The following SEMA5A variants were observed in gnomAD, a reference collection of about 807,000 sequenced individuals.
The protein encoded by SEMA5A is semaphorin-5A.
A neutral mutation model predicts 135.5 loss-of-function variants in SEMA5A; 55 were observed. The observed-to-expected ratio is 0.41, with a 90% CI of 0.33 to 0.51. The LOEUF is 0.51. Ranked by LOEUF, SEMA5A falls within the 20% of genes least tolerant of loss-of-function variation. The pLI is 0.37. For missense variants in SEMA5A, 1,290 were observed against 1,419.9 expected, an observed-to-expected ratio of 0.91 and a Z score of 1.47; for synonymous variants, 580 against 546.5, an observed-to-expected ratio of 1.06 and a Z score of -0.85.
At chr5:9,275,018 C>T (rs202017793) in intron 5 of SEMA5A, among the ~76,000 whole-genome samples, 151,932 of 152,134 alleles carry the variant, frequency 1, 75,865 homozygotes, top group Non-Finnish European at 1. Context: ...ATGAAAACCC[C>T]TCAAAAAAAT....
At chr5:9,046,080 CTTCCTCTGTGTT>C (rs1246197556) in intron 21 of SEMA5A, 5 of 152,432 alleles carry the variant, frequency 3.3e-5, no homozygotes, top group South Asian at 2.1e-4. Flanking sequence ...GTGTTGTTAT[CTTCCTCTGTGTT>C]GTTAGAACCA....
At chr5:9,092,789 T>A (rs1739106098) in intron 16 of SEMA5A, among the ~76,000 whole-genome samples, 1 of 152,102 alleles carries the variant, frequency 6.6e-6, no homozygotes, top group African/African-American at 2.4e-5. Flanking sequence ...ACAAGAATAA[T>A]CACTTCATTT....
At chr5:9,179,112 C>G (rs558835445) in intron 11 of SEMA5A, among the ~76,000 whole-genome samples, 2 of 152,144 alleles carry the variant, frequency 1.3e-5, no homozygotes, top group South Asian at 4.1e-4. Flanking sequence ...AGAAACAATA[C>G]TACCCTAACT....
intron 1 of SEMA5A, among the ~76,000 whole-genome samples, chr5:9,457,028 A>T (rs900617464): frequency 6.6e-6 from 1 of 152,200 alleles, no homozygotes; most frequent in African/African-American, 2.4e-5. Context: ...TCATACTGTT[A>T]TACCCCCTAC....
At chr5:9,191,570 G>A (rs531932402) in intron 10 of SEMA5A, among the ~76,000 whole-genome samples, 6 of 152,326 alleles carry the variant, frequency 3.9e-5, no homozygotes, top group Non-Finnish European at 5.9e-5. Flanking sequence ...TGTCTAATAT[G>A]TGGTTTTATA....
chr5:9,283,948 T>A (rs1162976917), intron 5 of SEMA5A, among the ~76,000 whole-genome samples: 1 of 152,116 alleles, frequency 6.6e-6, no homozygotes, highest in Non-Finnish European at 1.5e-5. Flanking sequence ...TCACTGTACA[T>A]CTCCACGCAT....
At chr5:9,391,653 C>T (rs1756166724) in intron 2 of SEMA5A, among the ~76,000 whole-genome samples, 1 of 152,222 alleles carries the variant, frequency 6.6e-6, no homozygotes. Context: ...GTCCCCTTCT[C>T]TCCCATCTGC....
At chr5:9,329,228 C>CT (rs5865821) in intron 4 of SEMA5A, among the ~76,000 whole-genome samples, 1 of 152,160 alleles carries the variant, frequency 6.6e-6, no homozygotes, top group African/African-American at 2.4e-5. Flanking sequence ...TGCTTGTGCC[C>CT]GTCTCACCCA....
chr5:9,428,228 A>T (rs1280620039), intron 2 of SEMA5A, among the ~76,000 whole-genome samples: 1 of 151,348 alleles, frequency 6.6e-6, no homozygotes, highest in Non-Finnish European at 1.5e-5. Flanking sequence ...GATACTCTTA[A>T]ACATTAGTGC....
rs185055056 is a variant in SEMA5A at position 9,496,330 on chromosome 5, C to T, written c.-175+49254G>A. On this transcript the variant is annotated intron_variant, in intron 1 of 22. Coordinates refer to ENST00000382496, the MANE Select transcript of SEMA5A (RefSeq NM_003966.3). Reference sequence around the variant, plus strand: ...AAAGTGCTGGGATTATAGGCAAGAGCCACCATGCCCAGCCTCAATATTTCT... The same window carrying T: ...AAAGTGCTGGGATTATAGGCAAGAGTCACCATGCCCAGCCTCAATATTTCT... 2.0e-5 allele frequency among the ~76,000 whole-genome samples: 3 copies of T among 152,324 alleles called. No individual in the cohort carries two copies. In the East Asian group the frequency reaches 5.8e-4, roughly 29 times the overall value.
intron 1 of SEMA5A, among the ~76,000 whole-genome samples, chr5:9,504,269 T>C (rs1420269182): frequency 6.6e-6 from 1 of 150,806 alleles, no homozygotes; most frequent in Non-Finnish European, 1.5e-5. Flanking sequence ...TACATTTCAC[T>C]AGCATCATAT....
chr5:9,263,130 C>T (rs1310992166), intron 5 of SEMA5A, among the ~76,000 whole-genome samples: 6 of 150,758 alleles, frequency 4.0e-5, no homozygotes, highest in African/African-American at 1.2e-4. Context: ...TTTGAAGAAA[C>T]CCACAATGGT....
At chr5:9,512,813 C>G (rs985700833) in intron 1 of SEMA5A, among the ~76,000 whole-genome samples, 3 of 152,108 alleles carry the variant, frequency 2.0e-5, no homozygotes, top group African/African-American at 7.2e-5. Context: ...TTTGGTTTAG[C>G]TACAGATTAT....
At chr5:9,065,041 C>T (rs921705549) in intron 17 of SEMA5A, among the ~76,000 whole-genome samples, 44 of 152,162 alleles carry the variant, frequency 2.9e-4, no homozygotes, top group African/African-American at 9.9e-4. Context: ...TATTTTGTTA[C>T]CCATTTTTCC....
At chr5:9,157,713 G>A (rs1035016615) in intron 11 of SEMA5A, among the ~76,000 whole-genome samples, 24 of 152,192 alleles carry the variant, frequency 1.6e-4, no homozygotes, top group Non-Finnish European at 5.9e-5. Flanking sequence ...GGAAGCACTT[G>A]CAGCCCAAGA....
At chr5:9,274,697 A>G (rs1750162627) in intron 5 of SEMA5A, among the ~76,000 whole-genome samples, 2 of 152,200 alleles carry the variant, frequency 1.3e-5, no homozygotes, top group Non-Finnish European at 2.9e-5. Flanking sequence ...CCACACAACT[A>G]CATGGAAAGT....
intron 1 of SEMA5A, among the ~76,000 whole-genome samples, chr5:9,444,654 T>A (rs749938327): frequency 6.6e-6 from 1 of 152,248 alleles, no homozygotes; most frequent in Non-Finnish European, 1.5e-5. Context: ...TAAACATGCA[T>A]GTGCAAGTAT....
At chr5:9,523,596 T>C (rs1736956143) in intron 1 of SEMA5A, among the ~76,000 whole-genome samples, 1 of 152,060 alleles carries the variant, frequency 6.6e-6, no homozygotes, top group African/African-American at 2.4e-5. Context: ...CAGCAGTGAG[T>C]CATCAATCAT....
At chr5:9,086,158 G>A (rs1407308898) in intron 16 of SEMA5A, among the ~76,000 whole-genome samples, 2 of 152,196 alleles carry the variant, frequency 1.3e-5, no homozygotes, top group African/African-American at 4.8e-5. Context: ...TGTCTCAGAT[G>A]AGACTTTGGA....
Sources: gnomAD v4.1 joint callset for allele counts (sites outside exome capture counted in the v4.1 genomes callset) on GRCh38, gnomAD v4.1.1 for gene constraint, MANE v1.5 for transcripts, NCBI Gene and HGNC (gene_info 2026-07-23, HGNC 2026-07-21) for gene names.